ANKRD45: variants seen among roughly 807,000 people sequenced by gnomAD.
ANKRD45 encodes ankyrin repeat domain-containing protein 45.
In ANKRD45, 21 loss-of-function variants were observed where a neutral mutation model predicts 28.1. The observed-to-expected ratio is 0.75, with a 90% CI of 0.53 to 1.08. The LOEUF is 1.08. Among genes scored for constraint, ANKRD45 ranks in the 50% least tolerant of loss-of-function variants. ANKRD45 has a pLI of 0.00. For missense variants in ANKRD45, 261 were observed against 308.7 expected (o/e 0.85, Z 1.16); for synonymous variants, 86 against 103.9 (o/e 0.83, Z 1.05).
the ANKRD45 span, among the ~76,000 whole-genome samples, chr1:173,711,647 C>A: frequency 6.6e-6 from 1 of 152,154 alleles, no homozygotes; most frequent in Admixed American, 6.5e-5. Flanking sequence ...CTTTCACACA[C>A]CCAATCTAAA....
chr1:173,641,825 T>C (rs1380012360), intron 3 of ANKRD45, among the ~76,000 whole-genome samples: 1 of 152,204 alleles, frequency 6.6e-6, no homozygotes, highest in African/African-American at 2.4e-5. Flanking sequence ...GCTACAGGAT[T>C]TGAATCTACA....
At chr1:173,674,147 C>G (rs1670341049), upstream of ANKRD45, among the ~76,000 whole-genome samples, 1 of 151,930 alleles carries the variant, frequency 6.6e-6, no homozygotes, top group African/African-American at 2.4e-5. Flanking sequence ...ATAGCTGGGA[C>G]TACAGGCACC....
intron 2 of ANKRD45, among the ~76,000 whole-genome samples, chr1:173,647,638 T>G (rs1213320447): frequency 1.3e-5 from 2 of 152,140 alleles, no homozygotes; most frequent in Non-Finnish European, 2.9e-5. Flanking sequence ...TAAAGATCAC[T>G]GTTTGAACTT....
chr1:173,653,491 A>G (rs994162409), intron 2 of ANKRD45, among the ~76,000 whole-genome samples: 11 of 152,108 alleles, frequency 7.2e-5, no homozygotes, highest in African/African-American at 2.2e-4. Context: ...GTTCTTTTAC[A>G]TTTGCTCAGG....
At chr1:173,692,482 CTT>C in the ANKRD45 span, among the ~76,000 whole-genome samples, 5 of 152,126 alleles carry the variant, frequency 3.3e-5, no homozygotes, top group East Asian at 9.6e-4. Context: ...AGAGGGGTGA[CTT>C]TGAATAGAAT....
chr1:173,673,936 G>A (rs1289125650), upstream of ANKRD45, among the ~76,000 whole-genome samples: 1 of 152,180 alleles, frequency 6.6e-6, no homozygotes, highest in African/African-American at 2.4e-5. Context: ...GAATGAAATA[G>A]TGAACACCCA....
chr1:173,672,257 CAAT>C, upstream of ANKRD45, among the ~76,000 whole-genome samples: 1 of 152,248 alleles, frequency 6.6e-6, no homozygotes, highest in African/African-American at 2.4e-5. Flanking sequence ...TAGAGAGGAA[CAAT>C]AATCTGTCAG....
At chr1:173,715,173 TG>T in the ANKRD45 span, 3 of 152,318 alleles carry the variant, frequency 2.0e-5, no homozygotes, top group Non-Finnish European at 4.4e-5. Flanking sequence ...AGCTGCCCCA[TG>T]GGGTCAGGTC....
At chr1:173,689,283 G>C in the ANKRD45 span, among the ~76,000 whole-genome samples, 1 of 152,124 alleles carries the variant, frequency 6.6e-6, no homozygotes, top group African/African-American at 2.4e-5. Flanking sequence ...TGAGGACCTT[G>C]GTCCTCCAGA....
At chr1:173,664,514 A>G (rs528538296) in intron 1 of ANKRD45, among the ~76,000 whole-genome samples, 24 of 152,126 alleles carry the variant, frequency 1.6e-4, no homozygotes, top group Non-Finnish European at 2.8e-4. Context: ...ATAGCTTTAC[A>G]TCTCCTACAT....
chr1:173,612,307 G>GGAAGGAAA (rs1667195494), intron 5 of ANKRD45, among the ~76,000 whole-genome samples: 1 of 126,268 alleles, frequency 7.9e-6, no homozygotes, highest in African/African-American at 3.2e-5. Flanking sequence ...AAGGAAAGAA[G>GGAAGGAAA]GAAGGAAGGA....
At chr1:173,699,664 T>C in the ANKRD45 span, among the ~76,000 whole-genome samples, 1 of 152,142 alleles carries the variant, frequency 6.6e-6, no homozygotes, top group African/African-American at 2.4e-5. Flanking sequence ...ATTGATGGGA[T>C]GTATCTCAAA....
the ANKRD45 span, among the ~76,000 whole-genome samples, chr1:173,690,887 C>A: frequency 3.9e-5 from 6 of 152,122 alleles, no homozygotes; most frequent in Admixed American, 3.9e-4. Context: ...TCAATTTCCC[C>A]ACTGGGATTT....
the ANKRD45 span, among the ~76,000 whole-genome samples, chr1:173,703,011 C>T: frequency 6.6e-6 from 1 of 151,938 alleles, no homozygotes; most frequent in Non-Finnish European, 1.5e-5. Context: ...CAAGCATGAA[C>T]CACCATGCCC....
the ANKRD45 span, among the ~76,000 whole-genome samples, chr1:173,684,321 C>G: frequency 2.6e-5 from 4 of 152,160 alleles, no homozygotes; most frequent in African/African-American, 9.7e-5. Flanking sequence ...CCTTGTATTT[C>G]CTTACAGCTG....
chr1:173,613,804 G>A (rs1253536890), intron 5 of ANKRD45, among the ~76,000 whole-genome samples: 2 of 152,178 alleles, frequency 1.3e-5, no homozygotes, highest in South Asian at 2.1e-4. Context: ...CCATGATGAC[G>A]ATGGCGGTTT....
At chr1:173,613,531 C>G (rs1381146010) in intron 5 of ANKRD45, among the ~76,000 whole-genome samples, 2 of 148,820 alleles carry the variant, frequency 1.3e-5, no homozygotes, top group Non-Finnish European at 3.0e-5. Flanking sequence ...GCCCGGCCAG[C>G]CGCCCCGTCC....
At position 173,645,291 on chromosome 1, in the gene ANKRD45, T is replaced by G. The variant is rs1030792478; in HGVS notation, c.496+1555A>C. Among the ~76,000 whole-genome samples, 89 of 152,328 alleles carry G rather than the reference T, an allele frequency of 5.8e-4. 2 individuals carry two copies. The highest frequency in any genetic ancestry group is 1.2e-4 in the Non-Finnish European group (8 of 68,040). On this transcript the variant is annotated intron_variant, in intron 3 of 5. Transcript: ENST00000333279. ...CTCATTTTATTGATGAACATGCATC[T>G]TACCACTACCAGCTGAAACTTCCTC...
At chr1:173,612,303 AG>A (rs1558113488) in intron 5 of ANKRD45, among the ~76,000 whole-genome samples, 3 of 114,402 alleles carry the variant, frequency 2.6e-5, no homozygotes, top group African/African-American at 1.2e-4. Flanking sequence ...AAAGAAGGAA[AG>A]AAGGAAGGAA....
Sources: allele counts gnomAD v4.1 joint callset (sites outside exome capture counted in the v4.1 genomes callset), GRCh38; gene constraint gnomAD v4.1.1; transcripts MANE v1.5; gene names NCBI Gene and HGNC (gene_info 2026-07-23, HGNC 2026-07-21).